LIPJ: variants seen among roughly 807,000 people sequenced by gnomAD.
LIPJ encodes lipase member J.
In LIPJ, 33 loss-of-function variants were observed where a neutral mutation model predicts 39.8. The ratio of observed to expected loss-of-function variants is 0.83; its 90% CI spans 0.63 to 1.11. The LOEUF (loss-of-function observed/expected upper bound fraction) is 1.11, where lower values mean the gene tolerates loss of function less well. Ranked by LOEUF, LIPJ falls within the 50% of genes least tolerant of loss-of-function variation. The pLI is 0.00. For synonymous variants in LIPJ, 128 were observed against 139.2 expected (o/e 0.92, Z 0.57); for missense variants, 422 against 427.9 (o/e 0.99, Z 0.12).
chr10:88,615,865 A>C, the LIPJ span, among the ~76,000 whole-genome samples: 1 of 152,204 alleles, frequency 6.6e-6, no homozygotes, highest in Non-Finnish European at 1.5e-5. Flanking sequence ...CAGAATGTTC[A>C]GAGCAACATT....
downstream of LIPJ, among the ~76,000 whole-genome samples, chr10:88,610,340 T>C (rs753045918): frequency 2.6e-5 from 4 of 152,214 alleles, no homozygotes; most frequent in Non-Finnish European, 4.4e-5. Flanking sequence ...TTTTATGTAC[T>C]AGCGTCATCA....
At position 88,590,646 on chromosome 10, in the gene LIPJ, G is replaced by A; in HGVS notation, c.-42G>A. On this transcript the variant is annotated 5_prime_UTR_variant, in exon 3 of 11. An upstream start codon of the reference 5' UTR is lost. Transcript: ENST00000371939. ...TATCCGAATTCTTGGAATTACTCAT[G>A]GTGTCTTTCAAAATTAAAGATCTGT... 1.3e-6 allele frequency: 2 copies of A among 1,523,172 alleles called. No homozygotes were observed. The highest frequency in any genetic ancestry group is 9.1e-7 in the Non-Finnish European group (1 of 1,100,968). 94.4% of individuals were successfully genotyped at this position (1,523,172 alleles called of 1,614,324 possible). A position where few individuals can be genotyped will look rare whatever the true frequency, so the allele number is the denominator to read the frequency against.
At chr10:88,603,270 T>G (rs571206162) in intron 9 of LIPJ, among the ~76,000 whole-genome samples, 2 of 152,280 alleles carry the variant, frequency 1.3e-5, no homozygotes, top group African/African-American at 4.8e-5. Context: ...GCTATTCCAC[T>G]TTTAAAATCT....
chr10:88,593,835 A>G, intron 4 of LIPJ, 111 bp from the exon 5 acceptor site: 1 of 906,404 alleles, frequency 1.1e-6, no homozygotes, highest in Non-Finnish European at 1.7e-6. Flanking sequence ...TATGAAAACA[A>G]TTTTTTAAAA....
chr10:88,589,568 T>A (rs1002127227), intron 2 of LIPJ, among the ~76,000 whole-genome samples: 4 of 151,972 alleles, frequency 2.6e-5, no homozygotes, highest in African/African-American at 9.6e-5. Context: ...AGTGTTTTTT[T>A]AAAAATGAAT....
At chr10:88,617,123 G>A in the LIPJ span, among the ~76,000 whole-genome samples, 4 of 152,188 alleles carry the variant, frequency 2.6e-5, no homozygotes, top group African/African-American at 4.8e-5. Context: ...TGCTGAAGGA[G>A]GGGATCTTGG....
chr10:88,607,717 C>T (rs137974417), downstream of LIPJ, among the ~76,000 whole-genome samples: 233 of 152,258 alleles, frequency 1.5e-3, no homozygotes, highest in African/African-American at 4.8e-3. Flanking sequence ...AAATGCAACA[C>T]ATATAATAGG....
the LIPJ span, among the ~76,000 whole-genome samples, chr10:88,613,794 A>ATG: frequency 2.5e-3 from 124 of 49,566 alleles, no homozygotes; most frequent in African/African-American, 0.011. Context: ...ATATATATAT[A>ATG]TATATATGTG....
intron 3 of LIPJ, 124 bp downstream of exon 3, chr10:88,590,820 C>A: frequency 1.5e-6 from 1 of 668,806 alleles, no homozygotes. Context: ...TATTTCTCAT[C>A]TGCTATTCTA....
At chr10:88,619,150 C>T in the LIPJ span, among the ~76,000 whole-genome samples, 1 of 150,512 alleles carries the variant, frequency 6.6e-6, no homozygotes, top group Non-Finnish European at 1.5e-5. Flanking sequence ...CCGCTTGGGT[C>T]CCCTTCCACG....
At chr10:88,583,388 TGAG>T, upstream of LIPJ, 2 of 1,384,250 alleles carry the variant, frequency 1.4e-6, no homozygotes, top group Non-Finnish European at 9.3e-7. Context: ...CCTCCGTCCT[TGAG>T]GAGCAAACCT....
chr10:88,611,015 A>T (rs551557950), downstream of LIPJ, among the ~76,000 whole-genome samples: 16 of 152,214 alleles, frequency 1.1e-4, no homozygotes, highest in South Asian at 3.3e-3. Flanking sequence ...AACCCACTTC[A>T]CTCCCCTGCT....
At chr10:88,589,229 G>T (rs1851005147) in intron 2 of LIPJ, among the ~76,000 whole-genome samples, 1 of 151,844 alleles carries the variant, frequency 6.6e-6, no homozygotes, top group South Asian at 2.1e-4. Flanking sequence ...TGTACAGACA[G>T]AGAAAATATT....
chr10:88,613,800 ATGTGTGTG>A, the LIPJ span, among the ~76,000 whole-genome samples: 5 of 74,160 alleles, frequency 6.7e-5, no homozygotes, highest in African/African-American at 9.6e-5. Flanking sequence ...ATATATATAT[ATGTGTGTG>A]TGTGTGTGTA....
At chr10:88,583,997 A>G (rs1206404948), upstream of LIPJ, 1 of 152,434 alleles carries the variant, frequency 6.6e-6, no homozygotes, top group East Asian at 1.9e-4. Context: ...CAATGAAACA[A>G]CAAAGGCAAT....
chr10:88,619,607 T>G, the LIPJ span, among the ~76,000 whole-genome samples: 1 of 152,030 alleles, frequency 6.6e-6, no homozygotes, highest in Non-Finnish European at 1.5e-5. Flanking sequence ...GTTAAATTCA[T>G]TATTTTTATT....
intron 2 of LIPJ, among the ~76,000 whole-genome samples, chr10:88,587,634 G>C (rs563809509): frequency 2.6e-5 from 4 of 152,142 alleles, no homozygotes; most frequent in Admixed American, 6.6e-5. Flanking sequence ...TCCAGTTTTA[G>C]TGCTGTGGTA....
the LIPJ span, among the ~76,000 whole-genome samples, chr10:88,612,193 A>G: frequency 6.6e-6 from 1 of 152,192 alleles, no homozygotes; most frequent in Non-Finnish European, 1.5e-5. Context: ...GGAAAGATAC[A>G]GTCTTTTCCA....
At chr10:88,594,704 A>T in exon 6 of LIPJ, 1 of 1,566,372 alleles carries the variant, frequency 6.4e-7, no homozygotes, top group Non-Finnish European at 8.6e-7. Context: ...TCCAGCCTCT[A>T]TTGATTTCAC....
Sources: gnomAD v4.1 joint callset for allele counts (sites outside exome capture counted in the v4.1 genomes callset) on GRCh38, gnomAD v4.1.1 for gene constraint, MANE v1.5 for transcripts, NCBI Gene and HGNC (gene_info 2026-07-23, HGNC 2026-07-21) for gene names.